Variants in FAM53B observed in about 807,000 individuals in gnomAD.
FAM53B encodes protein FAM53B.
FAM53B carries 12 observed loss-of-function variants against 32.7 expected under a neutral mutation model. The ratio of observed to expected loss-of-function variants is 0.37; its 90% CI spans 0.24 to 0.59. The LOEUF is 0.59. Ranked by LOEUF, FAM53B falls within the 20% of genes least tolerant of loss-of-function variation. The pLI, the probability that FAM53B is intolerant of heterozygous loss-of-function variation, is 0.72. For synonymous variants in FAM53B, 234 were observed against 228.7 expected, an observed-to-expected ratio of 1.02 and a Z score of -0.21; for missense variants, 477 against 577.7, an observed-to-expected ratio of 0.83 and a Z score of 1.79.
At chr10:124,672,932 A>G (rs1289150492) in intron 4 of FAM53B, among the ~76,000 whole-genome samples, 2 of 152,228 alleles carry the variant, frequency 1.3e-5, no homozygotes, top group African/African-American at 2.4e-5. Flanking sequence ...AAATACAGTC[A>G]AAGTGAGGGC....
intron 4 of FAM53B, among the ~76,000 whole-genome samples, chr10:124,676,800 C>T (rs1219695329): frequency 1.3e-5 from 2 of 152,142 alleles, no homozygotes; most frequent in African/African-American, 4.8e-5. Flanking sequence ...TTCCCAAAGA[C>T]GTGCTGGCAT....
At chr10:124,674,173 G>A (rs1949723818) in intron 4 of FAM53B, among the ~76,000 whole-genome samples, 4 of 152,362 alleles carry the variant, frequency 2.6e-5, no homozygotes, top group African/African-American at 9.6e-5. Context: ...GCCCTCAGGT[G>A]AGGCCTTCTT....
At chr10:124,707,030 AG>A (rs1439223110) in intron 1 of FAM53B, 143 bp from the exon 2 acceptor site, 1 of 676,222 alleles carries the variant, frequency 1.5e-6, no homozygotes, top group Non-Finnish European at 2.1e-6. Context: ...AGAGTCACCA[AG>A]GCCCAGAGTT....
chr10:124,698,043 G>A (rs954171539), intron 2 of FAM53B, among the ~76,000 whole-genome samples: 3 of 152,190 alleles, frequency 2.0e-5, no homozygotes, highest in Non-Finnish European at 4.4e-5. Flanking sequence ...CTGCACAGCT[G>A]AGAGCTCAGC....
chr10:124,623,026 CG>C lies in FAM53B; in HGVS notation c.*215del. 1.7e-6 allele frequency: 1 copy of C among 576,640 alleles called. No homozygotes were observed. The highest frequency in any genetic ancestry group is 3.0e-6 in the Non-Finnish European group (1 of 337,132). 35.7% of individuals were successfully genotyped at this position (576,640 alleles called of 1,614,324 possible). A position where few individuals can be genotyped will look rare whatever the true frequency, so the allele number is the denominator to read the frequency against. The stretch of plus-strand genomic sequence containing the variant: ...CTGTGGACCTGGTGGCTGCCACGCT[CG>C]GGGAGCCGGTGAGAGGCTGACACAC... On this transcript the variant is annotated 3_prime_UTR_variant, in exon 5 of 5. Coordinates refer to ENST00000337318, the MANE Select transcript of FAM53B (RefSeq NM_014661.4).
At chr10:124,635,046 T>C (rs940390319) in intron 4 of FAM53B, among the ~76,000 whole-genome samples, 1 of 152,190 alleles carries the variant, frequency 6.6e-6, no homozygotes, top group Non-Finnish European at 1.5e-5. Flanking sequence ...CTCCCTAATA[T>C]ACAATTGAGA....
At chr10:124,710,315 ACG>A in intron 1 of FAM53B, among the ~76,000 whole-genome samples, 1 of 152,240 alleles carries the variant, frequency 6.6e-6, no homozygotes, top group Non-Finnish European at 1.5e-5. Flanking sequence ...AACACCTACC[ACG>A]ATCCCTCACA....
At chr10:124,657,156 A>G (rs1195866779) in intron 4 of FAM53B, among the ~76,000 whole-genome samples, 4 of 121,712 alleles carry the variant, frequency 3.3e-5, no homozygotes, top group South Asian at 2.9e-4. Context: ...ATGTGTATAT[A>G]TGTGTGTATA....
chr10:124,719,046 A>AT (rs200798836), intron 1 of FAM53B, among the ~76,000 whole-genome samples: 1,392 of 89,860 alleles, frequency 0.015, 20 homozygotes, highest in Non-Finnish European at 0.02. Context: ...CACAAAAAAA[A>AT]TAAAAAAAAA....
intron 4 of FAM53B, among the ~76,000 whole-genome samples, chr10:124,641,414 A>C (rs1193787582): frequency 6.6e-6 from 1 of 152,254 alleles, no homozygotes. Context: ...TCACTGGCTC[A>C]GCCCAAGTTA....
intron 4 of FAM53B, among the ~76,000 whole-genome samples, chr10:124,641,680 C>CA (rs1381157129): frequency 6.6e-6 from 1 of 152,164 alleles, no homozygotes; most frequent in African/African-American, 2.4e-5. Flanking sequence ...CACCCACCCC[C>CA]AACACACTGG....
chr10:124,625,849 G>A (rs1949344962), intron 4 of FAM53B, among the ~76,000 whole-genome samples: 1 of 152,246 alleles, frequency 6.6e-6, no homozygotes, highest in South Asian at 2.1e-4. Context: ...GACAGAGGAG[G>A]CCTAGGGTGA....
At chr10:124,732,343 A>T (rs1281097227) in intron 1 of FAM53B, among the ~76,000 whole-genome samples, 1 of 152,160 alleles carries the variant, frequency 6.6e-6, no homozygotes. Context: ...ACCGGGCAGG[A>T]TCAGCCACGC....
chr10:124,695,436 C>T (rs1949862520), intron 3 of FAM53B, among the ~76,000 whole-genome samples: 1 of 152,218 alleles, frequency 6.6e-6, no homozygotes, highest in African/African-American at 2.4e-5. Flanking sequence ...GAAGGCATGT[C>T]AGCAAAATGA....
intron 1 of FAM53B, among the ~76,000 whole-genome samples, chr10:124,737,614 G>A (rs1194415081): frequency 6.6e-6 from 1 of 152,268 alleles, no homozygotes; most frequent in Admixed American, 6.5e-5. Context: ...CTTAAGGATC[G>A]GACTTCTCTT....
chr10:124,628,765 C>A (rs913428439), intron 4 of FAM53B, among the ~76,000 whole-genome samples: 15 of 152,224 alleles, frequency 9.9e-5, no homozygotes, highest in African/African-American at 3.6e-4. Context: ...GGGGTCACCC[C>A]CAGCCAATGA....
intron 1 of FAM53B, among the ~76,000 whole-genome samples, chr10:124,724,754 C>A (rs949867771): frequency 4.6e-5 from 7 of 152,356 alleles, no homozygotes; most frequent in Middle Eastern, 3.4e-3. Context: ...TGCCCACAGA[C>A]AATACAGTAA....
At chr10:124,711,323 G>A (rs1455676495) in intron 1 of FAM53B, among the ~76,000 whole-genome samples, 5 of 152,160 alleles carry the variant, frequency 3.3e-5, no homozygotes, top group African/African-American at 2.4e-5. Context: ...TGGGGCGTGG[G>A]AGCAGGAGGG....
intron 1 of FAM53B, among the ~76,000 whole-genome samples, chr10:124,739,543 C>A (rs1589770013): frequency 1.3e-5 from 2 of 152,236 alleles, no homozygotes; most frequent in African/African-American, 4.8e-5. Context: ...AGTTAGCCTG[C>A]CACTGCGTTC....
Sources: gnomAD v4.1 joint callset for allele counts (sites outside exome capture counted in the v4.1 genomes callset) on GRCh38, gnomAD v4.1.1 for gene constraint, MANE v1.5 for transcripts, NCBI Gene and HGNC (gene_info 2026-07-23, HGNC 2026-07-21) for gene names.